The following KANK4 variants were observed in gnomAD, a reference collection of about 807,000 sequenced individuals.
KANK4 encodes KN motif and ankyrin repeat domains 4, also known as KN motif and ankyrin repeat domain-containing protein 4.
In KANK4, 50 loss-of-function variants were observed where a neutral mutation model predicts 80.8. The ratio of observed to expected loss-of-function variants is 0.62; its 90% CI spans 0.49 to 0.78. The LOEUF is 0.78. Among genes scored for constraint, KANK4 ranks in the 30% least tolerant of loss-of-function variants. The probability of loss-of-function intolerance (pLI) is 0.00; values close to 1 mark genes in which losing one functional copy is unlikely to be tolerated. For synonymous variants in KANK4, 465 were observed against 506.9 expected, an observed-to-expected ratio of 0.92 and a Z score of 1.11; for missense variants, 1,196 against 1,240.1, an observed-to-expected ratio of 0.96 and a Z score of 0.53.
chr1:62,307,258 A>G (rs182145667), intron 1 of KANK4, among the ~76,000 whole-genome samples: 1 of 152,022 alleles, frequency 6.6e-6, no homozygotes. Flanking sequence ...TGAGGTGGGT[A>G]GATCGCCTGA....
intron 1 of KANK4, among the ~76,000 whole-genome samples, chr1:62,318,485 T>TCGG (rs1379642535): frequency 6.6e-6 from 1 of 152,196 alleles, no homozygotes; most frequent in Non-Finnish European, 1.5e-5. Context: ...CAAAGCGCCC[T>TCGG]CGGCGGCGTC....
intron 1 of KANK4, among the ~76,000 whole-genome samples, chr1:62,316,847 G>T (rs1644545699): frequency 6.6e-6 from 1 of 152,184 alleles, no homozygotes; most frequent in Non-Finnish European, 1.5e-5. Context: ...AAGGTGCTCA[G>T]TGTAGCTGAT....
At chr1:62,271,329 C>T (rs1211326351) in intron 4 of KANK4, 149 bp downstream of exon 4, 2 of 638,448 alleles carry the variant, frequency 3.1e-6, no homozygotes. Flanking sequence ...CGCATGCAAA[C>T]CCGAGATGGA....
intron 7 of KANK4, among the ~76,000 whole-genome samples, chr1:62,257,729 G>A (rs1383455781): frequency 2.6e-5 from 4 of 152,032 alleles, no homozygotes; most frequent in East Asian, 1.9e-4. Flanking sequence ...AGAAAGTAAC[G>A]ACTCTCTCAA....
intron 7 of KANK4, among the ~76,000 whole-genome samples, chr1:62,261,613 T>G (rs1671888590): frequency 6.6e-6 from 1 of 152,126 alleles, no homozygotes; most frequent in Non-Finnish European, 1.5e-5. Flanking sequence ...AATGACTCTT[T>G]TAGAGAATTA....
intron 1 of KANK4, among the ~76,000 whole-genome samples, chr1:62,300,219 G>C (rs1644400512): frequency 6.6e-6 from 1 of 152,126 alleles, no homozygotes; most frequent in African/African-American, 2.4e-5. Flanking sequence ...TGGCCACAAG[G>C]CATGAAGTTC....
intron 1 of KANK4, among the ~76,000 whole-genome samples, chr1:62,302,516 G>C (rs767079598): frequency 1.3e-5 from 2 of 152,020 alleles, no homozygotes; most frequent in South Asian, 2.1e-4. Context: ...TCTAAAATTC[G>C]TATGTTGAAA....
chr1:62,254,000 C>T (rs1194964291), intron 7 of KANK4, among the ~76,000 whole-genome samples: 2 of 152,176 alleles, frequency 1.3e-5, no homozygotes, highest in East Asian at 1.9e-4. Flanking sequence ...TTTTGGGTTT[C>T]ACACTCACTA....
Position 62,274,357 on chromosome 1 carries a change from G to A in KANK4, c.747C>T (p.Gly249=). ...GCACATTCTGGAATGAGAAAGGAGGGCCTGGGAGAGGGAGGTGATTTGGAA... is the reference window on the plus strand; with the variant it reads ...GCACATTCTGGAATGAGAAAGGAGGACCTGGGAGAGGGAGGTGATTTGGAA... ...VKVPNHLPLP[G]PPFSFQNVLV... The change falls in exon 3 of 10, where the codon GGC becomes GGT. Residue 249 remains glycine (G), a synonymous_variant. Transcript: ENST00000371153. The A allele has an allele frequency of 6.2e-7, 1 of 1,614,190 alleles. No individual in the cohort carries two copies. The highest frequency in any genetic ancestry group is 1.6e-4 in the Middle Eastern group (1 of 6,062).
chr1:62,236,362 G>A lies in KANK4; in HGVS notation c.*1915C>T, dbSNP rs1387204607. Among the ~76,000 whole-genome samples the A allele has an allele frequency of 6.6e-6, 1 of 152,122 alleles. No individual in the cohort carries two copies. The highest frequency in any genetic ancestry group is 1.5e-5 in the Non-Finnish European group (1 of 68,034). On this transcript the variant is annotated 3_prime_UTR_variant, in exon 10 of 10. Coordinates refer to ENST00000371153, the MANE Select transcript of KANK4 (RefSeq NM_181712.5). ...TGCACATAAATGTTCGCGAAGCACC[G>A]GGCTAGAACATTTATTAACGTAGGA...
chr1:62,268,503 TA>T lies in KANK4; in HGVS notation c.2014del (p.Tyr672MetfsTer87). ...GGTCTCCTCACTTGAGGTGGTCTCATACCTGGGGTAGAAAACAAAGGTCACT... is the reference window on the plus strand; with the variant it reads ...GGTCTCCTCACTTGAGGTGGTCTCATCCTGGGGTAGAAAACAAAGGTCACT... The part of the protein sequence containing the change: ...NLQFVGVNGG[Y>X]ETTSSEETSG... On this transcript the variant is annotated frameshift_variant and splice_region_variant, in exon 5 of 10. Coordinates refer to ENST00000371153, the MANE Select transcript of KANK4 (RefSeq NM_181712.5). LOFTEE classifies it high-confidence loss of function. 1 of 1,613,080 alleles carries T rather than the reference TA, an allele frequency of 6.2e-7. No homozygotes were observed.
intron 7 of KANK4, among the ~76,000 whole-genome samples, chr1:62,259,404 G>A (rs1437398193): frequency 2.0e-5 from 3 of 152,230 alleles, no homozygotes; most frequent in Middle Eastern, 6.8e-3. Context: ...AGCCTCCTGA[G>A]TAGCTGGGAC....
intron 3 of KANK4, 60 bp downstream of exon 3, chr1:62,273,144 C>A (rs1183864683): frequency 1.1e-5 from 13 of 1,209,108 alleles, no homozygotes; most frequent in Admixed American, 4.9e-5. Context: ...GTTCCCTCTG[C>A]CTTATCATGT....
At chr1:62,253,402 TTTCTTTC>T (rs1470755980) in intron 7 of KANK4, among the ~76,000 whole-genome samples, 193 bp from the exon 8 acceptor site, 9 of 115,280 alleles carry the variant, frequency 7.8e-5, no homozygotes, top group African/African-American at 2.5e-4. Context: ...CTTTTTTTTC[TTTCTTTC>T]TTTTTTTTTT....
At chr1:62,242,526 C>T (rs1447023205) in intron 9 of KANK4, among the ~76,000 whole-genome samples, 2 of 152,046 alleles carry the variant, frequency 1.3e-5, no homozygotes, top group African/African-American at 4.8e-5. Context: ...CCTCTGCCTT[C>T]AAGAAGTTTT....
chr1:62,281,031 T>C (rs554795000), intron 2 of KANK4, among the ~76,000 whole-genome samples: 34 of 152,302 alleles, frequency 2.2e-4, no homozygotes, highest in African/African-American at 8.2e-4. Context: ...GCCAACCTCC[T>C]GGATGACGAG....
chr1:62,294,292 A>C (rs188888521), intron 1 of KANK4, among the ~76,000 whole-genome samples: 3 of 152,298 alleles, frequency 2.0e-5, no homozygotes, highest in Admixed American at 6.5e-5. Context: ...CACAATTTGG[A>C]GTAAATGTTT....
chr1:62,280,810 T>C lies in KANK4; in HGVS notation c.16+739A>G, dbSNP rs181967778. The stretch of plus-strand genomic sequence containing the variant: ...ATACCTGTTTATAGAAAAGGTGTTG[T>C]CAACTGTTTGCAAAGATAGCCACAA... On this transcript the variant is annotated intron_variant, in intron 2 of 9. Coordinates refer to ENST00000371153, the MANE Select transcript of KANK4 (RefSeq NM_181712.5). Among the ~76,000 whole-genome samples the C allele has an allele frequency of 1.4e-4, 21 of 152,302 alleles. No individual in the cohort carries two copies. In the East Asian group the frequency reaches 3.9e-3, roughly 28 times the overall value.
At position 62,273,287 on chromosome 1, in the gene KANK4, G is replaced by A. The variant is rs923377474; in HGVS notation, c.1817C>T (p.Ser606Phe). The change falls in exon 3 of 10, where the codon TCC (serine) becomes TTC (phenylalanine). Residue 606 changes from serine (S) to phenylalanine (F), a missense_variant. This residue lies in a region of KANK4 where 1,154 missense variants were observed against 1,179.6 expected (regional missense o/e 0.98). Transcript: ENST00000371153. ...LSSIQSQLLS[S>F]LNLLLSAYSA... The stretch of plus-strand genomic sequence containing the variant: ...GTAGGCCGACAGCAGCAGGTTGAGG[G>A]AGCTCAGCAGCTGGCTCTGGATGCT... 24 of 1,588,746 alleles carry A rather than the reference G, an allele frequency of 1.5e-5. No homozygotes were observed. The highest frequency in any genetic ancestry group is 1.8e-5 in the Non-Finnish European group (21 of 1,164,030).
Sources: allele counts gnomAD v4.1 joint callset (sites outside exome capture counted in the v4.1 genomes callset), GRCh38; gene constraint gnomAD v4.1.1; regional missense constraint gnomAD v4.1.1; transcripts MANE v1.5; gene names NCBI Gene and HGNC (gene_info 2026-07-23, HGNC 2026-07-21).